The following SPATA13 variants were observed in gnomAD, a reference collection of about 807,000 sequenced individuals.
SPATA13 encodes the protein spermatogenesis-associated protein 13.
In SPATA13, 50 loss-of-function variants were observed where a neutral mutation model predicts 104.0. That is an observed-to-expected ratio of 0.48 (90% CI 0.38 to 0.61). The LOEUF (loss-of-function observed/expected upper bound fraction) is 0.61, where lower values mean the gene tolerates loss of function less well. Ranked by LOEUF, SPATA13 falls within the 20% of genes least tolerant of loss-of-function variation. SPATA13 has a pLI of 0.00. For synonymous variants in SPATA13, 606 were observed against 667.5 expected, an observed-to-expected ratio of 0.91 and a Z score of 1.42; for missense variants, 1,524 against 1,690.6, an observed-to-expected ratio of 0.90 and a Z score of 1.73.
intron 4 of SPATA13, among the ~76,000 whole-genome samples, chr13:24,266,399 C>A (rs1288176417): frequency 6.6e-6 from 1 of 152,138 alleles, no homozygotes; most frequent in Non-Finnish European, 1.5e-5. Flanking sequence ...ATTCTCTCAC[C>A]TTAGCCTCCT....
chr13:24,002,452 A>G (rs927140958), intron 2 of SPATA13, among the ~76,000 whole-genome samples: 2 of 152,018 alleles, frequency 1.3e-5, no homozygotes, highest in African/African-American at 4.8e-5. Context: ...AGAGTGACAC[A>G]CTCTGGGGGA....
chr13:24,077,229 C>T (rs1879359607), intron 3 of SPATA13, among the ~76,000 whole-genome samples: 1 of 143,114 alleles, frequency 7.0e-6, no homozygotes, highest in Non-Finnish European at 1.5e-5. Context: ...CGAGAAATAG[C>T]CCCAGTCCTG....
intron 2 of SPATA13, among the ~76,000 whole-genome samples, chr13:24,237,754 C>T (rs1407182269): frequency 6.6e-6 from 1 of 151,756 alleles, no homozygotes; most frequent in Non-Finnish European, 1.5e-5. Context: ...CACTTGAGGC[C>T]AAGAGTCTGA....
At chr13:24,139,302 C>T (rs558952137) in intron 3 of SPATA13, among the ~76,000 whole-genome samples, 19 of 152,334 alleles carry the variant, frequency 1.2e-4, no homozygotes, top group Admixed American at 6.5e-5. Flanking sequence ...ACTACATCTG[C>T]AGGGACCCAT....
At chr13:24,246,141 G>C (rs1370483097) in intron 2 of SPATA13, among the ~76,000 whole-genome samples, 1 of 152,108 alleles carries the variant, frequency 6.6e-6, no homozygotes, top group African/African-American at 2.4e-5. Flanking sequence ...CAGAACAAAG[G>C]GCTGCACGTC....
chr13:24,204,001 A>G (rs1388542355), intron 1 of SPATA13, among the ~76,000 whole-genome samples: 1 of 152,136 alleles, frequency 6.6e-6, no homozygotes, highest in African/African-American at 2.4e-5. Flanking sequence ...AACTTAATGT[A>G]ATGTGGTGTG....
intron 7 of SPATA13, 50 bp from the exon 8 acceptor site, chr13:24,288,949 A>G: frequency 1.3e-6 from 2 of 1,519,742 alleles, no homozygotes; most frequent in African/African-American, 1.4e-5. Context: ...TACTATTCAA[A>G]TAATTTATTT....
intron 4 of SPATA13, among the ~76,000 whole-genome samples, chr13:24,272,415 T>C (rs2138699107): frequency 6.6e-6 from 1 of 152,348 alleles, no homozygotes; most frequent in South Asian, 2.1e-4. Context: ...GCCACTCCTA[T>C]ATGCGCTATA....
intron 4 of SPATA13, among the ~76,000 whole-genome samples, chr13:24,279,021 T>C (rs1875280215): frequency 7.1e-6 from 1 of 140,488 alleles, no homozygotes; most frequent in Non-Finnish European, 1.5e-5. Flanking sequence ...CTGCCTCCCA[T>C]GTATGCCAGG....
At chr13:24,173,006 G>A (rs1883044186) in intron 1 of SPATA13, among the ~76,000 whole-genome samples, 1 of 152,082 alleles carries the variant, frequency 6.6e-6, no homozygotes, top group South Asian at 2.1e-4. Flanking sequence ...TCAGCACACA[G>A]GTTTCATACA....
At chr13:24,265,233 C>T (rs1027737645) in intron 4 of SPATA13, among the ~76,000 whole-genome samples, 4 of 152,186 alleles carry the variant, frequency 2.6e-5, no homozygotes, top group Admixed American at 2.6e-4. Flanking sequence ...ACTGAGCCTG[C>T]CTTTGCCCAA....
At chr13:24,224,679 T>A in intron 2 of SPATA13, 97 bp downstream of exon 2, 2 of 1,288,828 alleles carry the variant, frequency 1.6e-6, no homozygotes, top group Non-Finnish European at 2.2e-6. Flanking sequence ...TCAAGGTCAG[T>A]GGCCCTCTGC....
chr13:24,113,868 CAAAAAAAAAA>C (rs958434459), intron 3 of SPATA13, among the ~76,000 whole-genome samples: 1 of 56,172 alleles, frequency 1.8e-5, no homozygotes, highest in African/African-American at 6.4e-5. Flanking sequence ...GACTCGATCT[CAAAAAAAAAA>C]AAAAAAAAAA....
intron 4 of SPATA13, among the ~76,000 whole-genome samples, chr13:24,253,778 C>CA (rs1194744592): frequency 6.6e-6 from 1 of 151,970 alleles, no homozygotes; most frequent in Admixed American, 6.6e-5. Flanking sequence ...AAGTCCTAGC[C>CA]GAAGGAGCAC....
At chr13:24,157,331 C>G (rs1882287117), upstream of SPATA13, among the ~76,000 whole-genome samples, 1 of 152,082 alleles carries the variant, frequency 6.6e-6, no homozygotes, top group Non-Finnish European at 1.5e-5. Context: ...TGGAGTCTCG[C>G]TCTGTCACCC....
chr13:24,042,576 T>A (rs999346987), intron 3 of SPATA13, among the ~76,000 whole-genome samples: 5 of 152,214 alleles, frequency 3.3e-5, no homozygotes, highest in Non-Finnish European at 5.9e-5. Flanking sequence ...TCTATGCCCG[T>A]GCGCGAACTC....
In SPATA13 at chr13:24,161,835, C is replaced by T. The variant is rs1007041827; in HGVS notation, c.-112+903C>T. 1.3e-5 allele frequency among the ~76,000 whole-genome samples: 2 copies of T among 152,142 alleles called. No individual in the cohort carries two copies. Among genetic ancestry groups the T allele is most frequent in the Non-Finnish European group, 2.9e-5 (2 of 68,026 alleles). On this transcript the variant is annotated intron_variant, in intron 1 of 12. Transcript: ENST00000382108. This position sits in a 1 kb window ranked among gnomAD's most constrained non-coding sequence, Gnocchi z 4.5. Reference sequence around the variant, plus strand: ...CTTCCCATAGCCTTATATTATGCACCTCCCCCTGCCAGCATTTTCTCTGTC... The same window carrying T: ...CTTCCCATAGCCTTATATTATGCACTTCCCCCTGCCAGCATTTTCTCTGTC...
chr13:24,117,233 T>C (rs1880875352), intron 3 of SPATA13, among the ~76,000 whole-genome samples: 1 of 152,238 alleles, frequency 6.6e-6, no homozygotes, highest in South Asian at 2.1e-4. Context: ...TTTAGTAATC[T>C]CTATGTAGAT....
At chr13:24,301,921 G>C (rs1877212591) in intron 12 of SPATA13, among the ~76,000 whole-genome samples, 1 of 152,140 alleles carries the variant, frequency 6.6e-6, no homozygotes, top group Non-Finnish European at 1.5e-5. Context: ...CAACCCCATA[G>C]GTACTGTAAT....
Sources: gnomAD v4.1 joint callset for allele counts (sites outside exome capture counted in the v4.1 genomes callset) on GRCh38, gnomAD v4.1.1 for gene constraint, Gnocchi (gnomAD v3.1) non-coding constraint, MANE v1.5 for transcripts, NCBI Gene and HGNC (gene_info 2026-07-23, HGNC 2026-07-21) for gene names.